The following C19orf12 variants were observed in gnomAD, a reference collection of about 807,000 sequenced individuals.
C19orf12 encodes protein C19orf12.
In C19orf12, 2 loss-of-function variants were observed where a neutral mutation model predicts 3.8. The observed-to-expected ratio is 0.53, with a 90% CI of 0.22 to 1.66. The LOEUF (loss-of-function observed/expected upper bound fraction) is 1.66, where lower values mean the gene tolerates loss of function less well. C19orf12 is among the 40% of genes most tolerant of loss of function. The probability of loss-of-function intolerance (pLI) is 0.20; values close to 1 mark genes in which losing one functional copy is unlikely to be tolerated. For missense variants in C19orf12, 156 were observed against 188.8 expected (o/e 0.83, Z 1.02); for synonymous variants, 89 against 84.6 (o/e 1.05, Z -0.28).
upstream of C19orf12, chr19:29,715,357 G>T (rs1367318485): frequency 2.5e-6 from 1 of 394,068 alleles, no homozygotes; most frequent in Non-Finnish European, 5.1e-6. Flanking sequence ...CCGGCCTTAG[G>T]GGGAGCCGGG....
chr19:29,713,583 C>T (rs1415446979), intron 1 of C19orf12, among the ~76,000 whole-genome samples: 2 of 152,216 alleles, frequency 1.3e-5, no homozygotes, highest in African/African-American at 4.8e-5. Context: ...ACATTGACCT[C>T]CCACCTCTCC....
intron 2 of C19orf12, among the ~76,000 whole-genome samples, chr19:29,703,190 C>A (rs1972206557): frequency 6.6e-6 from 1 of 152,040 alleles, no homozygotes; most frequent in South Asian, 2.1e-4. Flanking sequence ...ATAATTGACA[C>A]CCAACATGCA....
chr19:29,714,020 C>T (rs1461256170), intron 1 of C19orf12, among the ~76,000 whole-genome samples: 1 of 151,062 alleles, frequency 6.6e-6, no homozygotes, highest in Non-Finnish European at 1.5e-5. Context: ...TTCTCTTTCC[C>T]TCTCCCCTTC....
chr19:29,710,111 C>A (rs1362062988), intron 1 of C19orf12, among the ~76,000 whole-genome samples: 1 of 152,208 alleles, frequency 6.6e-6, no homozygotes, highest in Non-Finnish European at 1.5e-5. Flanking sequence ...CTCAAGCAAT[C>A]TTCCTGCCTC....
In C19orf12 at chr19:29,701,348, C is replaced by T; in HGVS notation, c.*1364G>A. ...CTGATGGGCAATGGCATAGCGTTTG[C>T]ACGTAACCTACGCACACCTTCCTGT... is the stretch of plus-strand genomic sequence containing the variant. On this transcript the variant is annotated 3_prime_UTR_variant, in exon 3 of 3. Coordinates refer to ENST00000323670, the MANE Select transcript of C19orf12 (RefSeq NM_031448.6). 1 of 454,132 alleles carries T rather than the reference C, an allele frequency of 2.2e-6. No homozygotes were observed. Among genetic ancestry groups the T allele is most frequent in the South Asian group, 1.6e-5 (1 of 64,474 alleles). 28.1% of individuals were successfully genotyped at this position (454,132 alleles called of 1,614,324 possible).
chr19:29,715,560 C>T (rs1289580208), upstream of C19orf12: 1 of 224,594 alleles, frequency 4.5e-6, no homozygotes, highest in African/African-American at 2.4e-5. Flanking sequence ...GGGCCCCGCG[C>T]ACCTGCCTCC....
chr19:29,709,480 T>C (rs1244953756), intron 1 of C19orf12, among the ~76,000 whole-genome samples: 2 of 152,120 alleles, frequency 1.3e-5, no homozygotes, highest in African/African-American at 2.4e-5. Flanking sequence ...AAACAGGTGC[T>C]ACAGCAATTC....
upstream of C19orf12, chr19:29,715,369 G>A (rs574772189): frequency 5.1e-6 from 2 of 392,558 alleles, no homozygotes; most frequent in Non-Finnish European, 1.0e-5. Context: ...GGAGCCGGGG[G>A]TCGCTGCTGG....
In C19orf12 at chr19:29,701,020, G is replaced by T. The variant is rs1356023508; in HGVS notation, c.*1692C>A. 3 of 454,090 alleles carry T rather than the reference G, an allele frequency of 6.6e-6. No homozygotes were observed. Among genetic ancestry groups the T allele is most frequent in the South Asian group, 4.7e-5 (3 of 64,474 alleles). The allele number at this position is 454,090 out of a possible 1,614,324, so 28.1% of individuals were successfully genotyped here. A position where few individuals can be genotyped will look rare whatever the true frequency, so the allele number is the denominator to read the frequency against. ...GATCCTCCCACTTTGGCCTCCAAAA[G>T]TGCCGACATTACAAGCATGAGCCAC... On this transcript the variant is annotated 3_prime_UTR_variant, in exon 3 of 3. Coordinates refer to ENST00000323670, the MANE Select transcript of C19orf12 (RefSeq NM_031448.6).
At position 29,702,323 on chromosome 19, in the gene C19orf12, C is replaced by G. The variant is rs1292173707; in HGVS notation, c.*389G>C. On this transcript the variant is annotated 3_prime_UTR_variant, in exon 3 of 3. Coordinates refer to ENST00000323670, the MANE Select transcript of C19orf12 (RefSeq NM_031448.6). ...CAGGTGCTCTGAAGAGGAGTCATCT[C>G]CCAAGATGAGAAGGCCCCGGGGGGA... The G allele has an allele frequency of 2.1e-6, 1 of 470,156 alleles. No individual in the cohort carries two copies. Among genetic ancestry groups the G allele is most frequent in the East Asian group, 6.6e-5 (1 of 15,264 alleles). 29.1% of individuals were successfully genotyped at this position (470,156 alleles called of 1,614,324 possible).
rs1354128759 is a variant in C19orf12 at position 29,701,479 on chromosome 19, T to C, written c.*1233A>G. 2.9e-5 allele frequency: 13 copies of C among 454,030 alleles called. No individual in the cohort carries two copies. Among genetic ancestry groups the C allele is most frequent in the East Asian group, 6.9e-5 (1 of 14,406 alleles). The allele number at this position is 454,030 out of a possible 1,614,324, so 28.1% of individuals were successfully genotyped here. ...AGGGAATAATGGCAAGAAAAAAAGG[T>C]CTGTACGTGTTCAGTACCAATGCAA... On this transcript the variant is annotated 3_prime_UTR_variant, in exon 3 of 3. Coordinates refer to ENST00000323670, the MANE Select transcript of C19orf12 (RefSeq NM_031448.6).
chr19:29,714,991 G>A (rs1972884798), intron 1 of C19orf12, 134 bp downstream of exon 1: 1 of 713,100 alleles, frequency 1.4e-6, no homozygotes, highest in Non-Finnish European at 2.6e-6. Flanking sequence ...CACCGGGAGG[G>A]CCGGGCTCCC....
chr19:29,712,908 A>T (rs551232231), intron 1 of C19orf12, among the ~76,000 whole-genome samples: 1 of 152,348 alleles, frequency 6.6e-6, no homozygotes, highest in African/African-American at 2.4e-5. Context: ...GCCAGCAGCT[A>T]TCACTGCGTG....
At position 29,703,117 on chromosome 19, in the gene C19orf12, G is replaced by A. The variant is rs569132343; in HGVS notation, c.161-140C>T. The A allele has an allele frequency of 2.7e-5, 29 of 1,080,108 alleles. 1 individual carries two copies. In the East Asian group the frequency reaches 2.8e-4, roughly 10 times the overall value. The allele number at this position is 1,080,108 out of a possible 1,614,324, so 66.9% of individuals were successfully genotyped here. On this transcript the variant is annotated intron_variant, in intron 2 of 2. Transcript: ENST00000323670. ...CTGCAGCGGGCTCAGCCGGTGCCAC[G>A]CCTGCTCCGCCAGCCAGTGTGGAGG...
chr19:29,711,570 G>A (rs1046392234), intron 1 of C19orf12, among the ~76,000 whole-genome samples: 4 of 152,310 alleles, frequency 2.6e-5, no homozygotes, highest in African/African-American at 9.6e-5. Flanking sequence ...TTCCCCGGGC[G>A]TGAAGACCCT....
intron 1 of C19orf12, chr19:29,708,737 G>A (rs1367562229): frequency 9.8e-6 from 4 of 410,108 alleles, no homozygotes; most frequent in Admixed American, 7.0e-5. Flanking sequence ...CACGAGGGAG[G>A]TGGTCTGACC....
intron 2 of C19orf12, among the ~76,000 whole-genome samples, chr19:29,703,783 G>C (rs1972237311): frequency 6.6e-6 from 1 of 152,044 alleles, no homozygotes; most frequent in South Asian, 2.1e-4. Context: ...CTGAGGTCAG[G>C]AGTTCGACAC....
intron 1 of C19orf12, among the ~76,000 whole-genome samples, chr19:29,709,363 G>A (rs969457795): frequency 6.6e-6 from 1 of 152,196 alleles, no homozygotes; most frequent in Non-Finnish European, 1.5e-5. Context: ...AAAATCAAAG[G>A]GGCCACGAGG....
chr19:29,704,734 C>A (rs116364751), intron 2 of C19orf12, among the ~76,000 whole-genome samples: 1 of 152,124 alleles, frequency 6.6e-6, no homozygotes, highest in Non-Finnish European at 1.5e-5. Context: ...AGTGAAGGGG[C>A]GGTTGGGCCT....
Sources: gnomAD v4.1 joint callset for allele counts (sites outside exome capture counted in the v4.1 genomes callset) on GRCh38, gnomAD v4.1.1 for gene constraint, MANE v1.5 for transcripts, NCBI Gene and HGNC (gene_info 2026-07-23, HGNC 2026-07-21) for gene names.